The following ZC2HC1B variants were observed in gnomAD, a reference collection of about 807,000 sequenced individuals.
ZC2HC1B encodes the protein zinc finger C2HC-type containing 1B, also known as zinc finger C2HC domain-containing protein 1B.
ZC2HC1B carries 36 observed loss-of-function variants against 31.0 expected under a neutral mutation model. That is an observed-to-expected ratio of 1.16 (90% CI 0.89 to 1.54). ZC2HC1B has a LOEUF of 1.54. Among genes scored for constraint, ZC2HC1B ranks in the 40% most tolerant of loss-of-function variants. The pLI is 0.00. For missense variants in ZC2HC1B, 260 were observed against 268.6 expected (o/e 0.97, Z 0.22); for synonymous variants, 73 against 88.0 (o/e 0.83, Z 0.95).
At chr6:143,891,752 A>G (rs540266055) in intron 4 of ZC2HC1B, among the ~76,000 whole-genome samples, 1 of 152,140 alleles carries the variant, frequency 6.6e-6, no homozygotes, top group Non-Finnish European at 1.5e-5. Context: ...TGATTCAAAG[A>G]TTTTATGGAA....
At chr6:143,907,219 G>C (rs955961819) in intron 6 of ZC2HC1B, among the ~76,000 whole-genome samples, 1 of 152,080 alleles carries the variant, frequency 6.6e-6, no homozygotes, top group Non-Finnish European at 1.5e-5. Context: ...CTTTGCTATT[G>C]TGAATAGTGC....
chr6:143,899,922 A>G lies in ZC2HC1B; in HGVS notation c.489+1231A>G, dbSNP rs553919781. On this transcript the variant is annotated intron_variant, in intron 5 of 7. Coordinates refer to ENST00000237275, the MANE Select transcript of ZC2HC1B (RefSeq NM_001013623.3). The surrounding 1 kb of genome is among the most constrained non-coding windows in gnomAD (Gnocchi z 5.0). ...GGCATATATAGGAGAGCTATGGAAGAAGAAGTCACTGCAATTCCTGGAAGT... is the reference window on the plus strand; with the variant it reads ...GGCATATATAGGAGAGCTATGGAAGGAGAAGTCACTGCAATTCCTGGAAGT... 6.6e-6 allele frequency among the ~76,000 whole-genome samples: 1 copy of G among 152,336 alleles called. No individual in the cohort carries two copies. Among genetic ancestry groups the G allele is most frequent in the Admixed American group, 6.5e-5 (1 of 15,306 alleles).
At chr6:143,898,750 G>T in intron 5 of ZC2HC1B, 59 bp downstream of exon 5, 1 of 1,540,890 alleles carries the variant, frequency 6.5e-7, no homozygotes. Flanking sequence ...GGGTGAGCCG[G>T]TAGAACTCCC....
At chr6:143,937,566 A>G (rs1335326280) in intron 6 of ZC2HC1B, 83 bp from the exon 7 acceptor site, 1 of 1,226,094 alleles carries the variant, frequency 8.2e-7, no homozygotes, top group Non-Finnish European at 1.1e-6. Flanking sequence ...TTTTGAACCC[A>G]TGTGGGGATT....
chr6:143,882,643 A>G (rs1261927781), intron 1 of ZC2HC1B, among the ~76,000 whole-genome samples: 1 of 151,650 alleles, frequency 6.6e-6, no homozygotes, highest in East Asian at 1.9e-4. Flanking sequence ...CTTAAATATA[A>G]GTTTCCCTAA....
chr6:143,920,984 G>GA (rs997735837), intron 6 of ZC2HC1B, among the ~76,000 whole-genome samples: 10 of 146,730 alleles, frequency 6.8e-5, no homozygotes, highest in African/African-American at 2.3e-4. Flanking sequence ...CTCCTTTTTT[G>GA]AAAAAAACCG....
At chr6:143,890,077 C>T (rs886178894) in intron 4 of ZC2HC1B, among the ~76,000 whole-genome samples, 6 of 151,958 alleles carry the variant, frequency 3.9e-5, no homozygotes, top group African/African-American at 1.4e-4. Flanking sequence ...AAGAAGAAAT[C>T]ACAAGAGAAA....
chr6:143,925,568 C>T (rs1168537907), intron 6 of ZC2HC1B, among the ~76,000 whole-genome samples: 3 of 135,712 alleles, frequency 2.2e-5, no homozygotes, highest in Non-Finnish European at 3.1e-5. Context: ...CGGAGTTTCG[C>T]TCTTGTTGCC....
chr6:143,930,718 C>A (rs1582979094), intron 6 of ZC2HC1B, among the ~76,000 whole-genome samples: 1 of 152,090 alleles, frequency 6.6e-6, no homozygotes, highest in East Asian at 1.9e-4. Context: ...TAGTTTTATT[C>A]CACTGTGGTC....
At chr6:143,931,838 T>C (rs1303443190) in intron 6 of ZC2HC1B, among the ~76,000 whole-genome samples, 1 of 150,302 alleles carries the variant, frequency 6.7e-6, no homozygotes, top group African/African-American at 2.5e-5. Flanking sequence ...ATTTCCAAGG[T>C]GTTCTTTGAA....
At chr6:143,893,337 G>A (rs117279969) in intron 4 of ZC2HC1B, among the ~76,000 whole-genome samples, 7,590 of 152,242 alleles carry the variant, frequency 0.05, 210 homozygotes, top group African/African-American at 0.074. Context: ...GGCCAAGGTA[G>A]GCGGATCCCT....
rs1777937335 is a variant in ZC2HC1B at position 143,917,903 on chromosome 6, G to GT, written c.598+14757dup. 6.6e-6 allele frequency among the ~76,000 whole-genome samples: 1 copy of GT among 152,176 alleles called. No individual in the cohort carries two copies. The highest frequency in any genetic ancestry group is 1.5e-5 in the Non-Finnish European group (1 of 68,032). ...AGTACTAGTTTTTAGACTAATAATT[G>GT]TTTTTTAAAATGTGTTAGTCTCTTC... On this transcript the variant is annotated intron_variant, in intron 6 of 7. Transcript: ENST00000237275. The surrounding 1 kb of genome is among the most constrained non-coding windows in gnomAD (Gnocchi z 4.1).
At chr6:143,937,176 A>T (rs1778188588) in intron 6 of ZC2HC1B, among the ~76,000 whole-genome samples, 1 of 152,176 alleles carries the variant, frequency 6.6e-6, no homozygotes, top group African/African-American at 2.4e-5. Flanking sequence ...GCTCAAGGGA[A>T]AAGAATACTG....
chr6:143,869,164 C>G lies in ZC2HC1B; in HGVS notation c.28+4597C>G, dbSNP rs1484021309. ...GGGTCTGGGCCATTTGTAGTCCTGC[C>G]TGGATTAGGCTGTTGTAGTTTCCCA... On this transcript the variant is annotated intron_variant, in intron 1 of 7. Transcript: ENST00000237275. The surrounding 1 kb of genome is among the most constrained non-coding windows in gnomAD (Gnocchi z 5.2). Among the ~76,000 whole-genome samples, 1 of 152,172 alleles carries G rather than the reference C, an allele frequency of 6.6e-6. No individual in the cohort carries two copies. The highest frequency in any genetic ancestry group is 1.5e-5 in the Non-Finnish European group (1 of 68,040).
rs1381615296 is a variant in ZC2HC1B at position 143,869,232 on chromosome 6, A to C, written c.28+4665A>C. Among the ~76,000 whole-genome samples the C allele has an allele frequency of 6.6e-6, 1 of 152,192 alleles. No homozygotes were observed. The highest frequency in any genetic ancestry group is 1.5e-5 in the Non-Finnish European group (1 of 68,030). On this transcript the variant is annotated intron_variant, in intron 1 of 7. Coordinates refer to ENST00000237275, the MANE Select transcript of ZC2HC1B (RefSeq NM_001013623.3). This position sits in a 1 kb window ranked among gnomAD's most constrained non-coding sequence, Gnocchi z 5.2. ...ACATGGTAATACTAAGAGACACCCT[A>C]ATAGATCTCCTGTATTCCATGCCTA...
intron 7 of ZC2HC1B, among the ~76,000 whole-genome samples, 156 bp downstream of exon 7, chr6:143,937,889 C>CAT (rs1232510659): frequency 1.3e-5 from 2 of 152,182 alleles, no homozygotes. Flanking sequence ...TGCTGTTAAA[C>CAT]ATACAGTTTA....
rs9496799 is a variant in ZC2HC1B, at chr6:143,885,328, A to C, written c.91-704A>C. Among the ~76,000 whole-genome samples, 27,575 of 152,136 alleles carry C rather than the reference A, an allele frequency of 0.18. 4,170 individuals carry two copies. Among genetic ancestry groups the C allele is most frequent in the African/African-American group, 0.41 (17,090 of 41,450 alleles). ...CAGTGTGTGTCACTGCCTTTGCCAG[A>C]CTGGAGCCACACCCCCTGAGAATTA... is the stretch of plus-strand genomic sequence containing the variant. On this transcript the variant is annotated intron_variant, in intron 2 of 7. Transcript: ENST00000237275. This position sits in a 1 kb window ranked among gnomAD's most constrained non-coding sequence, Gnocchi z 4.2.
Position 143,918,905 on chromosome 6 carries a change from T to A in ZC2HC1B, c.598+15753T>A, listed in dbSNP as rs781488053. On this transcript the variant is annotated intron_variant, in intron 6 of 7. Transcript: ENST00000237275. The surrounding 1 kb of genome is among the most constrained non-coding windows in gnomAD (Gnocchi z 4.1). The stretch of plus-strand genomic sequence containing the variant: ...AGTTCTAGAATTTTATTTGGTTTCT[T>A]TTCAGGATTTATCTTCGTGGATATT... Among the ~76,000 whole-genome samples the A allele has an allele frequency of 1.2e-4, 19 of 152,180 alleles. No homozygotes were observed. The highest frequency in any genetic ancestry group is 2.6e-4 in the Non-Finnish European group (18 of 68,032).
intron 6 of ZC2HC1B, among the ~76,000 whole-genome samples, chr6:143,907,325 T>G (rs1407980020): frequency 1.3e-5 from 2 of 152,250 alleles, no homozygotes; most frequent in African/African-American, 4.8e-5. Flanking sequence ...TCAAATGGTA[T>G]TTCTGCCTCT....
Sources: allele counts gnomAD v4.1 joint callset (sites outside exome capture counted in the v4.1 genomes callset), GRCh38; gene constraint gnomAD v4.1.1; non-coding constraint Gnocchi (gnomAD v3.1); transcripts MANE v1.5; gene names NCBI Gene and HGNC (gene_info 2026-07-23, HGNC 2026-07-21).